Variants in KIAA1328 observed in about 807,000 individuals in gnomAD.
The protein encoded by KIAA1328 is protein hinderin.
In KIAA1328, 52 loss-of-function variants were observed where a neutral mutation model predicts 68.1. The observed-to-expected ratio is 0.76, with a 90% CI of 0.61 to 0.96. The LOEUF (loss-of-function observed/expected upper bound fraction) is 0.96. Ranked by LOEUF, KIAA1328 falls within the 40% of genes least tolerant of loss-of-function variation. The pLI, the probability that KIAA1328 is intolerant of heterozygous loss-of-function variation, is 0.00. For missense variants in KIAA1328, 641 were observed against 677.6 expected (o/e 0.95, Z 0.60); for synonymous variants, 232 against 239.4 (o/e 0.97, Z 0.28).
rs1556833508 is a variant in KIAA1328, at chr18:36,949,608, C to CA, written c.449-9699dup. On this transcript the variant is annotated intron_variant, in intron 5 of 9. Coordinates refer to ENST00000280020, the MANE Select transcript of KIAA1328 (RefSeq NM_020776.3). ...TGTTTCTACCCAGCTCCCCCCCCCCCACCCCCCGATCTTGATTTGCAATTC... is the reference window on the plus strand; with the variant it reads ...TGTTTCTACCCAGCTCCCCCCCCCCCAACCCCCCGATCTTGATTTGCAATTC... 0.016 allele frequency among the ~76,000 whole-genome samples: 1,724 copies of CA among 106,250 alleles called. 136 individuals carry two copies. In the East Asian group the frequency reaches 0.23, roughly 14 times the overall value. 69.7% of individuals were successfully genotyped at this position (106,250 alleles called of 152,430 possible).
chr18:37,185,027 G>C (rs765460351), intron 9 of KIAA1328, among the ~76,000 whole-genome samples: 2 of 151,992 alleles, frequency 1.3e-5, no homozygotes, highest in African/African-American at 4.8e-5. Flanking sequence ...TTAGCTGGGC[G>C]TGGTGGCGGG....
At chr18:37,113,492 A>G (rs1167787909) in intron 7 of KIAA1328, among the ~76,000 whole-genome samples, 4 of 152,364 alleles carry the variant, frequency 2.6e-5, no homozygotes, top group Middle Eastern at 3.4e-3. Context: ...TTGCCTTACA[A>G]GAGCTCCTGA....
At chr18:36,979,688 C>G (rs2052607378) in intron 6 of KIAA1328, among the ~76,000 whole-genome samples, 1 of 152,178 alleles carries the variant, frequency 6.6e-6, no homozygotes, top group African/African-American at 2.4e-5. Context: ...CAATGCCAAT[C>G]ACCAGAAATG....
rs1374499609 is a variant in KIAA1328, at chr18:36,895,635, T to C, written c.448+9963T>C. ...AGCCCCTTTGCCTGCTATTCTGGGCTTAGCAAGGTTCGTTTGCTTATGTAT... is the reference window on the plus strand; with the variant it reads ...AGCCCCTTTGCCTGCTATTCTGGGCCTAGCAAGGTTCGTTTGCTTATGTAT... On this transcript the variant is annotated intron_variant, in intron 5 of 9. Transcript: ENST00000280020. The C allele has an allele frequency of 7.7e-6, 3 of 387,160 alleles. No individual in the cohort carries two copies. In the Admixed American group the frequency reaches 8.0e-5, roughly 10 times the overall value. The allele number at this position is 387,160 out of a possible 1,614,324, so 24.0% of individuals were successfully genotyped here. A position where few individuals can be genotyped will look rare whatever the true frequency, so the allele number is the denominator to read the frequency against.
At chr18:37,176,481 C>G (rs1232989178) in intron 9 of KIAA1328, among the ~76,000 whole-genome samples, 2 of 152,196 alleles carry the variant, frequency 1.3e-5, no homozygotes, top group Non-Finnish European at 2.9e-5. Flanking sequence ...TCTTTCTCTC[C>G]ATTTCACTTC....
chr18:37,115,857 C>T (rs1479402072), intron 7 of KIAA1328, among the ~76,000 whole-genome samples: 1 of 152,114 alleles, frequency 6.6e-6, no homozygotes, highest in Non-Finnish European at 1.5e-5. Context: ...ACAAGCATTC[C>T]TATACAGCAA....
chr18:36,950,930 G>A (rs969202202), intron 5 of KIAA1328, among the ~76,000 whole-genome samples: 1 of 152,222 alleles, frequency 6.6e-6, no homozygotes, highest in Non-Finnish European at 1.5e-5. Context: ...AGTCGGGGGA[G>A]ATGATGGACA....
At chr18:37,199,187 T>G (rs992415775) in intron 9 of KIAA1328, among the ~76,000 whole-genome samples, 9 of 152,214 alleles carry the variant, frequency 5.9e-5, no homozygotes, top group African/African-American at 2.2e-4. Flanking sequence ...TACAGAATAT[T>G]TTATCCCCTC....
At chr18:36,982,395 GA>G (rs1222214535) in intron 6 of KIAA1328, among the ~76,000 whole-genome samples, 1 of 150,658 alleles carries the variant, frequency 6.6e-6, no homozygotes, top group Non-Finnish European at 1.5e-5. Context: ...AAAGTAGCCA[GA>G]AAAAAAATAC....
At chr18:36,930,516 C>T (rs2050272892) in intron 5 of KIAA1328, among the ~76,000 whole-genome samples, 1 of 152,094 alleles carries the variant, frequency 6.6e-6, no homozygotes, top group Non-Finnish European at 1.5e-5. Context: ...AGAAGAAATA[C>T]TTCATATTTA....
intron 5 of KIAA1328, among the ~76,000 whole-genome samples, chr18:36,907,436 T>C (rs2049264934): frequency 6.6e-6 from 1 of 152,158 alleles, no homozygotes; most frequent in South Asian, 2.1e-4. Context: ...TTAACATAGA[T>C]ACCTTTATTT....
intron 9 of KIAA1328, among the ~76,000 whole-genome samples, chr18:37,206,336 GAGTAGCCCTATGGT>G (rs1030364705): frequency 5.3e-5 from 8 of 152,294 alleles, no homozygotes; most frequent in South Asian, 4.1e-4. Context: ...AGGACAGAAA[GAGTAGCCCTATGGT>G]AGTAGCCCTA....
At chr18:37,215,220 C>G (rs2060404561) in intron 9 of KIAA1328, among the ~76,000 whole-genome samples, 1 of 152,184 alleles carries the variant, frequency 6.6e-6, no homozygotes, top group Admixed American at 6.5e-5. Flanking sequence ...GCATCCCTGT[C>G]TTGTGCCAGT....
intron 5 of KIAA1328, among the ~76,000 whole-genome samples, chr18:36,909,911 G>A (rs938007204): frequency 6.6e-6 from 1 of 152,114 alleles, no homozygotes; most frequent in Non-Finnish European, 1.5e-5. Flanking sequence ...TCATGTGTCT[G>A]TTGGCTGCAT....
chr18:36,926,389 A>C (rs140048355), intron 5 of KIAA1328, among the ~76,000 whole-genome samples: 2 of 26,686 alleles, frequency 7.5e-5, no homozygotes, highest in Non-Finnish European at 4.0e-4. Context: ...CTCTCTATTT[A>C]TTTATTTATT....
intron 6 of KIAA1328, among the ~76,000 whole-genome samples, chr18:36,965,957 T>G (rs2051916382): frequency 6.7e-6 from 1 of 149,532 alleles, no homozygotes; most frequent in Admixed American, 6.7e-5. Context: ...TGAGGCACAT[T>G]ATACTATTAA....
At chr18:37,221,257 A>T (rs2060557365) in intron 9 of KIAA1328, among the ~76,000 whole-genome samples, 1 of 152,242 alleles carries the variant, frequency 6.6e-6, no homozygotes, top group East Asian at 1.9e-4. Context: ...TTCTAGAAAA[A>T]GTGGAAGGGG....
chr18:37,098,611 C>T (rs2057492648), intron 7 of KIAA1328, among the ~76,000 whole-genome samples: 1 of 152,188 alleles, frequency 6.6e-6, no homozygotes, highest in Non-Finnish European at 1.5e-5. Context: ...GTAGGATTCC[C>T]TATTTTTCTA....
At chr18:36,884,748 G>T (rs1319104263) in intron 4 of KIAA1328, among the ~76,000 whole-genome samples, 1 of 152,142 alleles carries the variant, frequency 6.6e-6, no homozygotes, top group Non-Finnish European at 1.5e-5. Flanking sequence ...AGAGAAATTT[G>T]GGGTTAATGT....
Sources: gnomAD v4.1 joint callset for allele counts (sites outside exome capture counted in the v4.1 genomes callset) on GRCh38, gnomAD v4.1.1 for gene constraint, MANE v1.5 for transcripts, NCBI Gene and HGNC (gene_info 2026-07-23, HGNC 2026-07-21) for gene names.